Variants in LEKR1 observed in about 807,000 individuals in gnomAD.
LEKR1 encodes protein LEKR1.
A neutral mutation model predicts 72.4 loss-of-function variants in LEKR1; 59 were observed. That is an observed-to-expected ratio of 0.82 (90% confidence interval 0.66 to 1.01). LEKR1 has a LOEUF of 1.01. LEKR1 is among the 50% of genes least tolerant of loss of function. The probability of loss-of-function intolerance (pLI) is 0.00; values close to 1 mark genes in which losing one functional copy is unlikely to be tolerated. For missense variants in LEKR1, 728 were observed against 759.2 expected, an observed-to-expected ratio of 0.96 and a Z score of 0.48; for synonymous variants, 257 against 263.2, an observed-to-expected ratio of 0.98 and a Z score of 0.23.
intron 5 of LEKR1, among the ~76,000 whole-genome samples, chr3:156,942,295 T>TA (rs35140412): frequency 6.6e-5 from 10 of 151,766 alleles, no homozygotes; most frequent in Non-Finnish European, 1.2e-4. Flanking sequence ...ATTTAAAAGC[T>TA]AAAAAAAATA....
At chr3:156,883,099 A>T (rs1719638402) in intron 3 of LEKR1, among the ~76,000 whole-genome samples, 1 of 152,092 alleles carries the variant, frequency 6.6e-6, no homozygotes. Context: ...ACATGTATAC[A>T]TATGTAACTA....
Position 157,024,831 on chromosome 3 carries a change from G to A in LEKR1, c.1275G>A (p.Lys425=). The change falls in exon 11 of 13, where the codon AAG becomes AAA. Residue 425 remains lysine (K), a synonymous_variant. Coordinates refer to ENST00000356539, the MANE Select transcript of LEKR1 (RefSeq NM_001004316.3). ...VEFEEQALLF[K]EETKLQLDIE... is the part of the protein sequence containing the mutation. The stretch of plus-strand genomic sequence containing the variant: ...TTGAAGAGCAAGCTCTTCTCTTTAA[G>A]GAAGAAACAAAATTGCAACTTGATA... The A allele has an allele frequency of 1.9e-6, 3 of 1,612,048 alleles. No individual in the cohort carries two copies. Among genetic ancestry groups the A allele is most frequent in the Admixed American group, 1.7e-5 (1 of 59,736 alleles).
intron 9 of LEKR1, among the ~76,000 whole-genome samples, 194 bp downstream of exon 9, chr3:156,993,471 A>G (rs112423482): frequency 2.0e-4 from 31 of 152,144 alleles, no homozygotes; most frequent in African/African-American, 7.0e-4. Context: ...AGTTGGTTAC[A>G]TGACTTGGTA....
chr3:156,839,926 G>A (rs571824175), intron 2 of LEKR1, among the ~76,000 whole-genome samples: 3 of 152,222 alleles, frequency 2.0e-5, no homozygotes, highest in South Asian at 2.1e-4. Flanking sequence ...TACTCCAAGC[G>A]TGCCTGTCTT....
chr3:156,985,437 G>T (rs192107908), intron 7 of LEKR1, among the ~76,000 whole-genome samples: 28 of 152,286 alleles, frequency 1.8e-4, no homozygotes, highest in Non-Finnish European at 2.6e-4. Context: ...AAACATGAAG[G>T]CCAGTTGTAG....
At position 157,010,467 on chromosome 3, in the gene LEKR1, T is replaced by C. The variant is rs145384498; in HGVS notation, c.1110-946T>C. On this transcript the variant is annotated intron_variant, in intron 9 of 12. Coordinates refer to ENST00000356539, the MANE Select transcript of LEKR1 (RefSeq NM_001004316.3). ...TTTGGTTTTTGATGTATAAAATTTTTGGTGTTGATGGATCATTAGGGTGGA... is the reference window on the plus strand; with the variant it reads ...TTTGGTTTTTGATGTATAAAATTTTCGGTGTTGATGGATCATTAGGGTGGA... Among the ~76,000 whole-genome samples, 664 of 152,232 alleles carry C rather than the reference T, an allele frequency of 4.4e-3. 2 individuals carry two copies. Among genetic ancestry groups the C allele is most frequent in the African/African-American group, 0.015 (639 of 41,570 alleles).
At chr3:156,829,612 A>G (rs990069839) in intron 2 of LEKR1, among the ~76,000 whole-genome samples, 1 of 152,216 alleles carries the variant, frequency 6.6e-6, no homozygotes, top group Non-Finnish European at 1.5e-5. Flanking sequence ...GTATTTGACC[A>G]GGTGGTTGTG....
At chr3:156,986,179 C>T (rs1468193411) in intron 7 of LEKR1, among the ~76,000 whole-genome samples, 1 of 152,156 alleles carries the variant, frequency 6.6e-6, no homozygotes, top group Non-Finnish European at 1.5e-5. Context: ...TGCTTTAAAA[C>T]ACTAAGCTTG....
chr3:156,904,417 GTT>G (rs201230976), intron 3 of LEKR1, among the ~76,000 whole-genome samples: 2 of 139,106 alleles, frequency 1.4e-5, no homozygotes, highest in African/African-American at 5.2e-5. Context: ...ACAGAATCAT[GTT>G]TTTTTTTTTT....
intron 2 of LEKR1, among the ~76,000 whole-genome samples, chr3:156,830,446 A>G (rs1712227594): frequency 6.6e-6 from 1 of 152,242 alleles, no homozygotes; most frequent in South Asian, 2.1e-4. Context: ...TGTGTACTGT[A>G]GAATGTGGTG....
At chr3:156,932,725 G>GA (rs1725347739) in intron 5 of LEKR1, among the ~76,000 whole-genome samples, 2 of 146,658 alleles carry the variant, frequency 1.4e-5, no homozygotes, top group Non-Finnish European at 3.0e-5. Context: ...AAAAAAAAAG[G>GA]GTATCTATGT....
intron 3 of LEKR1, among the ~76,000 whole-genome samples, chr3:156,879,191 A>G (rs1248695454): frequency 1.3e-5 from 2 of 152,186 alleles, no homozygotes; most frequent in African/African-American, 4.8e-5. Flanking sequence ...CTTCCTATAG[A>G]CTTGTTGAAT....
intron 6 of LEKR1, among the ~76,000 whole-genome samples, chr3:156,943,740 T>G (rs1726439234): frequency 6.6e-6 from 1 of 151,752 alleles, no homozygotes; most frequent in Non-Finnish European, 1.5e-5. Flanking sequence ...CCTCCTGTGT[T>G]TGGGAGTCTT....
At chr3:156,855,386 G>A (rs1715934715) in intron 3 of LEKR1, among the ~76,000 whole-genome samples, 1 of 151,838 alleles carries the variant, frequency 6.6e-6, no homozygotes. Context: ...TTTGTTTTTT[G>A]CCAATGAAGC....
rs1368076871 is a variant in LEKR1 at position 156,880,071 on chromosome 3, G to C, written c.263+27089G>C. On this transcript the variant is annotated intron_variant, in intron 3 of 12. Transcript: ENST00000356539. ...CTGGGGCACTGCCTAGTGGAGCTATGAGAAGAGGACCACTCTCCTCCAGAC... is the reference window on the plus strand; with the variant it reads ...CTGGGGCACTGCCTAGTGGAGCTATCAGAAGAGGACCACTCTCCTCCAGAC... Among the ~76,000 whole-genome samples the C allele has an allele frequency of 2.6e-5, 4 of 152,350 alleles. No homozygotes were observed. The East Asian group carries it at 7.7e-4, about 29-fold the overall frequency.
At chr3:156,940,169 C>A (rs1206383064) in intron 5 of LEKR1, among the ~76,000 whole-genome samples, 3 of 152,010 alleles carry the variant, frequency 2.0e-5, no homozygotes, top group African/African-American at 7.2e-5. Context: ...TCTTGTTAAT[C>A]CTAAGACATC....
intron 3 of LEKR1, among the ~76,000 whole-genome samples, chr3:156,860,279 G>A (rs1716615081): frequency 6.6e-6 from 1 of 152,152 alleles, no homozygotes. Context: ...GATTACAGAA[G>A]TCAGTAGTTA....
At chr3:157,000,135 AC>A (rs1731894113) in intron 9 of LEKR1, among the ~76,000 whole-genome samples, 1 of 151,732 alleles carries the variant, frequency 6.6e-6, no homozygotes, top group African/African-American at 2.4e-5. Flanking sequence ...TTTCTTGTTC[AC>A]CCCCAACCCC....
At chr3:156,990,255 G>T (rs1248833715) in intron 7 of LEKR1, among the ~76,000 whole-genome samples, 1 of 152,004 alleles carries the variant, frequency 6.6e-6, no homozygotes, top group Non-Finnish European at 1.5e-5. Context: ...ACCACATAGG[G>T]GGTGATGTGT....
Sources: allele counts gnomAD v4.1 joint callset (sites outside exome capture counted in the v4.1 genomes callset), GRCh38; gene constraint gnomAD v4.1.1; transcripts MANE v1.5; gene names NCBI Gene and HGNC (gene_info 2026-07-23, HGNC 2026-07-21).